The following TM4SF4 variants were observed in gnomAD, a reference collection of about 807,000 sequenced individuals.
TM4SF4 encodes the protein transmembrane 4 L six family member 4.
A neutral mutation model predicts 24.1 loss-of-function variants in TM4SF4; 24 were observed. The observed-to-expected ratio is 1.00, with a 90% CI of 0.72 to 1.40. The LOEUF (loss-of-function observed/expected upper bound fraction) is 1.40, where lower values mean the gene tolerates loss of function less well. TM4SF4 is among the 40% of genes most tolerant of loss of function. The probability of loss-of-function intolerance (pLI) is 0.00; values close to 1 mark genes in which losing one functional copy is unlikely to be tolerated. For missense variants in TM4SF4, 254 were observed against 254.2 expected (o/e 1.00, Z 0.01); for synonymous variants, 113 against 97.0 (o/e 1.17, Z -0.97).
chr3:149,501,277 G>A (rs778318415), intron 4 of TM4SF4, among the ~76,000 whole-genome samples: 4 of 152,154 alleles, frequency 2.6e-5, no homozygotes, highest in Non-Finnish European at 5.9e-5. Context: ...GGGCACCAGA[G>A]ACTCACAGAG....
intron 4 of TM4SF4, among the ~76,000 whole-genome samples, chr3:149,502,022 G>A (rs772329479): frequency 8.5e-5 from 13 of 152,166 alleles, no homozygotes; most frequent in Admixed American, 6.5e-5. Context: ...GCCTAGTACA[G>A]GGTGACAAGC....
chr3:149,499,936 C>T (rs1734386974), intron 4 of TM4SF4, among the ~76,000 whole-genome samples: 2 of 152,032 alleles, frequency 1.3e-5, no homozygotes, highest in African/African-American at 4.8e-5. Context: ...AACTCAAAAA[C>T]TAAATATGTA....
chr3:149,498,008 C>T (rs1053938901), intron 3 of TM4SF4, among the ~76,000 whole-genome samples: 3 of 152,246 alleles, frequency 2.0e-5, no homozygotes, highest in South Asian at 2.1e-4. Flanking sequence ...TGCAGTTTCT[C>T]CTAATTCACA....
chr3:149,486,258 A>G (rs1734114410), intron 2 of TM4SF4, among the ~76,000 whole-genome samples: 3 of 152,138 alleles, frequency 2.0e-5, no homozygotes, highest in Admixed American at 2.0e-4. Context: ...TTCACAACAG[A>G]TATTTAAGGT....
chr3:149,490,902 C>G (rs1734199467), intron 3 of TM4SF4, among the ~76,000 whole-genome samples: 1 of 152,150 alleles, frequency 6.6e-6, no homozygotes, highest in East Asian at 1.9e-4. Context: ...GCTTCTTCTT[C>G]TTGTTCTTGT....
chr3:149,478,152 GTTGT>G (rs1223230240), intron 2 of TM4SF4, among the ~76,000 whole-genome samples: 1 of 152,298 alleles, frequency 6.6e-6, no homozygotes, highest in African/African-American at 2.4e-5. Flanking sequence ...TTTTGTTGTT[GTTGT>G]TTGTTTGAGA....
At chr3:149,490,122 C>T (rs1226690623) in intron 3 of TM4SF4, among the ~76,000 whole-genome samples, 1 of 152,214 alleles carries the variant, frequency 6.6e-6, no homozygotes, top group Non-Finnish European at 1.5e-5. Context: ...GCTCTTTGTG[C>T]AAGGTATAAA....
chr3:149,496,643 C>T (rs892145629), intron 3 of TM4SF4, among the ~76,000 whole-genome samples: 1 of 152,090 alleles, frequency 6.6e-6, no homozygotes, highest in Non-Finnish European at 1.5e-5. Flanking sequence ...TGGCATGTGT[C>T]TGTAATCCCA....
intron 3 of TM4SF4, among the ~76,000 whole-genome samples, chr3:149,493,593 C>T (rs1446042613): frequency 6.6e-6 from 1 of 152,240 alleles, no homozygotes; most frequent in Non-Finnish European, 1.5e-5. Context: ...AAGCAGCTAG[C>T]CCAGAGCCTG....
intron 2 of TM4SF4, among the ~76,000 whole-genome samples, chr3:149,479,535 T>G (rs912656258): frequency 6.6e-6 from 1 of 152,130 alleles, no homozygotes; most frequent in Non-Finnish European, 1.5e-5. Flanking sequence ...AAATGAGGTA[T>G]TTGCATTTTG....
intron 2 of TM4SF4, among the ~76,000 whole-genome samples, chr3:149,476,426 C>G (rs1315087865): frequency 6.6e-6 from 1 of 152,198 alleles, no homozygotes; most frequent in Admixed American, 6.5e-5. Context: ...CCACCAGGCT[C>G]TGCTTCAGGA....
intron 3 of TM4SF4, chr3:149,495,149 T>C: frequency 4.3e-6 from 1 of 231,548 alleles, no homozygotes; most frequent in South Asian, 6.7e-5. Context: ...CATGAGAAAA[T>C]CATTAAGAAA....
chr3:149,483,550 A>G (rs1734069070), intron 2 of TM4SF4, among the ~76,000 whole-genome samples: 1 of 151,856 alleles, frequency 6.6e-6, no homozygotes, highest in Admixed American at 6.6e-5. Context: ...AAAAACTTAT[A>G]GGATCCAATA....
intron 2 of TM4SF4, among the ~76,000 whole-genome samples, chr3:149,476,880 A>G: frequency 7.1e-6 from 1 of 141,510 alleles, no homozygotes; most frequent in African/African-American, 2.6e-5. Flanking sequence ...GGCTCACAGC[A>G]GGCTTGAACT....
intron 3 of TM4SF4, among the ~76,000 whole-genome samples, chr3:149,488,894 A>G (rs1262726814): frequency 6.6e-6 from 1 of 152,208 alleles, no homozygotes; most frequent in Non-Finnish European, 1.5e-5. Context: ...TAGAACACCA[A>G]TATATTAACT....
At chr3:149,479,225 G>C (rs1285365794) in intron 2 of TM4SF4, among the ~76,000 whole-genome samples, 2 of 152,122 alleles carry the variant, frequency 1.3e-5, no homozygotes, top group Non-Finnish European at 2.9e-5. Context: ...GCCCACCCTG[G>C]CTGCTCTACT....
chr3:149,484,467 T>C (rs1265088409), intron 2 of TM4SF4, among the ~76,000 whole-genome samples: 1 of 152,178 alleles, frequency 6.6e-6, no homozygotes, highest in East Asian at 1.9e-4. Context: ...CACTGCAACC[T>C]CTGCCTCTCG....
rs751827234 is a variant in TM4SF4, at chr3:149,498,865, T to C, written c.545T>C (p.Leu182Pro). Reference sequence around the variant, plus strand: ...TGCGCCATCCAGGTGGTCAATGGCCTCCTGGGGACCCTCTGTGGGGACTGC... The same window carrying C: ...TGCGCCATCCAGGTGGTCAATGGCCCCCTGGGGACCCTCTGTGGGGACTGC... ...VLCAIQVVNGLLGTLCGDCQC... is the reference protein window; with the variant it reads ...VLCAIQVVNGPLGTLCGDCQC... The change falls in exon 4 of 5, where the codon CTC becomes CCC. Residue 182 changes from leucine (L) to proline (P), a missense_variant. Leu to Pro is a moderately conservative substitution (Grantham distance 98, BLOSUM62 -3). Coordinates refer to ENST00000305354, the MANE Select transcript of TM4SF4 (RefSeq NM_004617.4). 1.4e-5 allele frequency: 22 copies of C among 1,613,890 alleles called. No individual in the cohort carries two copies. The highest frequency in any genetic ancestry group is 1.9e-5 in the Non-Finnish European group (22 of 1,179,882).
At chr3:149,492,824 T>C (rs1256654772) in intron 3 of TM4SF4, among the ~76,000 whole-genome samples, 2 of 152,202 alleles carry the variant, frequency 1.3e-5, no homozygotes, top group African/African-American at 4.8e-5. Flanking sequence ...ATAAGCTGCT[T>C]GTAAACATAT....
Sources: allele counts gnomAD v4.1 joint callset (sites outside exome capture counted in the v4.1 genomes callset), GRCh38; gene constraint gnomAD v4.1.1; transcripts MANE v1.5; gene names NCBI Gene and HGNC (gene_info 2026-07-23, HGNC 2026-07-21).